The following SLC35D1 variants were observed in gnomAD, a reference collection of about 807,000 sequenced individuals.
SLC35D1 encodes the protein solute carrier family 35 member D1.
SLC35D1 carries 31 observed loss-of-function variants against 46.7 expected under a neutral mutation model. The ratio of observed to expected loss-of-function variants is 0.66; its 90% CI spans 0.50 to 0.90. SLC35D1 has a LOEUF of 0.90. Ranked by LOEUF, SLC35D1 falls within the 40% of genes least tolerant of loss-of-function variation. The probability of loss-of-function intolerance (pLI) is 0.00; values close to 1 mark genes in which losing one functional copy is unlikely to be tolerated. For missense variants in SLC35D1, 397 were observed against 426.2 expected (o/e 0.93, Z 0.60); for synonymous variants, 195 against 164.6 (o/e 1.18, Z -1.41).
chr1:66,979,833 C>T, the SLC35D1 span, among the ~76,000 whole-genome samples: 11 of 151,538 alleles, frequency 7.3e-5, no homozygotes, highest in Admixed American at 2.6e-4. Flanking sequence ...GGCGCAATCT[C>T]GGCTCACTGC....
the SLC35D1 span, among the ~76,000 whole-genome samples, chr1:66,977,113 C>CT: frequency 0.01 from 1,490 of 143,964 alleles, 7 homozygotes; most frequent in African/African-American, 0.021. Flanking sequence ...TTTTAATCTT[C>CT]TTTTTTTTTT....
At chr1:67,026,635 A>T (rs1667919574) in intron 8 of SLC35D1, among the ~76,000 whole-genome samples, 1 of 152,182 alleles carries the variant, frequency 6.6e-6, no homozygotes, top group South Asian at 2.1e-4. Context: ...TTTAACATAA[A>T]TAGGGCTATA....
intron 10 of SLC35D1, among the ~76,000 whole-genome samples, chr1:67,017,371 G>T (rs1262020597): frequency 6.6e-6 from 1 of 151,970 alleles, no homozygotes; most frequent in Admixed American, 6.6e-5. Context: ...CTAATATTTA[G>T]ACTAAAACCT....
chr1:66,976,813 G>T, the SLC35D1 span: 1 of 1,136,590 alleles, frequency 8.8e-7, no homozygotes. Context: ...TGATAATCTT[G>T]CTTTTATATA....
At chr1:66,976,518 T>G in the SLC35D1 span, 271 of 1,427,414 alleles carry the variant, frequency 1.9e-4, 1 homozygote, top group East Asian at 4.7e-3. Context: ...CAAATTTATT[T>G]TCAAACTTCA....
chr1:67,039,058 G>A lies in SLC35D1; in HGVS notation c.729+3178C>T, dbSNP rs578079866. On this transcript the variant is annotated intron_variant, in intron 8 of 11. Transcript: ENST00000235345. Reference sequence around the variant, plus strand: ...TGTATCCAACTCCTGTCTCTCTGGGGAGCTGGCCTTTCAGAGCCCCCTTGT... The same window carrying A: ...TGTATCCAACTCCTGTCTCTCTGGGAAGCTGGCCTTTCAGAGCCCCCTTGT... 1.1e-4 allele frequency among the ~76,000 whole-genome samples: 16 copies of A among 152,190 alleles called. 1 individual carries two copies. In the Middle Eastern group the frequency reaches 0.014, roughly 129 times the overall value.
chr1:67,033,946 T>C (rs1344945640), intron 8 of SLC35D1, among the ~76,000 whole-genome samples: 1 of 152,232 alleles, frequency 6.6e-6, no homozygotes, highest in African/African-American at 2.4e-5. Context: ...AGACTGTCCC[T>C]TCCCCAGTGT....
the SLC35D1 span, among the ~76,000 whole-genome samples, chr1:66,973,152 TC>T: frequency 6.6e-6 from 1 of 152,106 alleles, no homozygotes; most frequent in Non-Finnish European, 1.5e-5. Context: ...TGCCTATACT[TC>T]CTAACCTATA....
At position 66,999,913 on chromosome 1, in the gene SLC35D1, A is replaced by T. The variant is rs17129578; in HGVS notation, c.*4427T>A. ...CCTTTCCAGGAGCCATCTAAAGGTA[A>T]AAACTGAGAAAGATTTAACTGAATT... On this transcript the variant is annotated 3_prime_UTR_variant, in exon 12 of 12. Coordinates refer to ENST00000235345, the MANE Select transcript of SLC35D1 (RefSeq NM_015139.3). 1 of 152,132 alleles carries T rather than the reference A, an allele frequency of 6.6e-6. No homozygotes were observed. Among genetic ancestry groups the T allele is most frequent in the African/African-American group, 2.4e-5 (1 of 41,404 alleles). 9.4% of individuals were successfully genotyped at this position (152,132 alleles called of 1,614,324 possible). A position where few individuals can be genotyped will look rare whatever the true frequency, so the allele number is the denominator to read the frequency against.
chr1:66,984,038 A>G, the SLC35D1 span, among the ~76,000 whole-genome samples: 5 of 152,332 alleles, frequency 3.3e-5, no homozygotes, highest in African/African-American at 1.2e-4. Flanking sequence ...GTGATCTTTT[A>G]AAGTACAGTT....
downstream of SLC35D1, among the ~76,000 whole-genome samples, chr1:66,997,599 G>C (rs1467711140): frequency 7.2e-6 from 1 of 138,302 alleles, no homozygotes; most frequent in Non-Finnish European, 1.5e-5. Context: ...ATATAGAGAT[G>C]TATAAAGATG....
chr1:67,013,150 T>TATATATATATA (rs1667601100), intron 10 of SLC35D1, among the ~76,000 whole-genome samples: 1 of 6,418 alleles, frequency 1.6e-4, no homozygotes, highest in African/African-American at 1.4e-3. Context: ...AGAACATATA[T>TATATATATATA]CCTGGAGATA....
chr1:66,976,909 A>T, the SLC35D1 span, among the ~76,000 whole-genome samples: 1 of 152,204 alleles, frequency 6.6e-6, no homozygotes, highest in African/African-American at 2.4e-5. Context: ...ATCTTCATAA[A>T]TAAGGCATTT....
chr1:66,990,396 C>T, the SLC35D1 span, among the ~76,000 whole-genome samples: 1 of 152,202 alleles, frequency 6.6e-6, no homozygotes, highest in Non-Finnish European at 1.5e-5. Context: ...CCACCTCAGC[C>T]TCCCAAGTGG....
At chr1:66,994,033 T>A in the SLC35D1 span, among the ~76,000 whole-genome samples, 2 of 126,676 alleles carry the variant, frequency 1.6e-5, no homozygotes, top group Admixed American at 1.4e-4. Context: ...TGCAGGACAA[T>A]CAGCATTCTT....
At chr1:66,984,916 T>A in the SLC35D1 span, 3 of 1,557,822 alleles carry the variant, frequency 1.9e-6, no homozygotes, top group Non-Finnish European at 8.6e-7. Flanking sequence ...AGACCTATTT[T>A]ACTTTCTTTG....
At position 67,025,155 on chromosome 1, in the gene SLC35D1, A is replaced by G. The variant is rs116255096; in HGVS notation, c.730-3553T>C. On this transcript the variant is annotated intron_variant, in intron 8 of 11. Coordinates refer to ENST00000235345, the MANE Select transcript of SLC35D1 (RefSeq NM_015139.3). ...TACACCTCAATCATCACATTTCAAAATAAGATTTATTGTGAGGTACTAAGG... is the reference window on the plus strand; with the variant it reads ...TACACCTCAATCATCACATTTCAAAGTAAGATTTATTGTGAGGTACTAAGG... Among the ~76,000 whole-genome samples, 279 of 152,298 alleles carry G rather than the reference A, an allele frequency of 1.8e-3. 2 individuals carry two copies. The highest frequency in any genetic ancestry group is 3.5e-3 in the Non-Finnish European group (235 of 68,042).
At chr1:66,986,007 T>A in the SLC35D1 span, 2 of 990,744 alleles carry the variant, frequency 2.0e-6, no homozygotes, top group Non-Finnish European at 2.4e-6. Context: ...AATCCTGTTA[T>A]TTTTATATGC....
chr1:66,976,814 C>G, the SLC35D1 span: 1 of 1,098,408 alleles, frequency 9.1e-7, no homozygotes, highest in Non-Finnish European at 1.2e-6. Flanking sequence ...GATAATCTTG[C>G]TTTTATATAC....
Sources: allele counts gnomAD v4.1 joint callset (sites outside exome capture counted in the v4.1 genomes callset), GRCh38; gene constraint gnomAD v4.1.1; transcripts MANE v1.5; gene names NCBI Gene and HGNC (gene_info 2026-07-23, HGNC 2026-07-21).